Variants in WNT7B observed in about 807,000 individuals in gnomAD.
WNT7B encodes Wnt family member 7B.
WNT7B carries 19 observed loss-of-function variants against 38.2 expected under a neutral mutation model. That is an observed-to-expected ratio of 0.50 (90% confidence interval 0.35 to 0.73). The LOEUF is 0.73. Ranked by LOEUF, WNT7B falls within the 30% of genes least tolerant of loss-of-function variation. The probability of loss-of-function intolerance (pLI) is 0.01; values close to 1 mark genes in which losing one functional copy is unlikely to be tolerated. For synonymous variants in WNT7B, 243 were observed against 209.3 expected (o/e 1.16, Z -1.39); for missense variants, 423 against 507.9 (o/e 0.83, Z 1.61).
At chr22:45,945,140 G>A (rs1303885967) in intron 2 of WNT7B, among the ~76,000 whole-genome samples, 2 of 152,038 alleles carry the variant, frequency 1.3e-5, no homozygotes, top group East Asian at 3.9e-4. Context: ...CTGGACTGCA[G>A]TGGCGTGATC....
At chr22:45,967,124 G>A (rs1204771072) in intron 1 of WNT7B, among the ~76,000 whole-genome samples, 2 of 152,192 alleles carry the variant, frequency 1.3e-5, no homozygotes, top group Admixed American at 6.5e-5. Flanking sequence ...CCCCCACCCT[G>A]CCGGCCAGCC....
chr22:45,943,818 C>A (rs1410878577), intron 2 of WNT7B, among the ~76,000 whole-genome samples: 1 of 152,220 alleles, frequency 6.6e-6, no homozygotes, highest in East Asian at 1.9e-4. Flanking sequence ...AAATGACCCT[C>A]CTGAAAAGGC....
At position 45,942,280 on chromosome 22, in the gene WNT7B, A is replaced by C. The variant is rs1218876712; in HGVS notation, c.298+7640T>G. Reference sequence around the variant, plus strand: ...AGTGGCTGTTGGGCACAGAAGCTGGAAGAGAAGCTCAGGGCCCAGGTGGGG... The same window carrying C: ...AGTGGCTGTTGGGCACAGAAGCTGGCAGAGAAGCTCAGGGCCCAGGTGGGG... On this transcript the variant is annotated intron_variant, in intron 2 of 3. Transcript: ENST00000339464. Among the ~76,000 whole-genome samples, 3 of 152,210 alleles carry C rather than the reference A, an allele frequency of 2.0e-5. No homozygotes were observed. In the East Asian group the frequency reaches 5.8e-4, roughly 29 times the overall value.
At chr22:45,946,626 A>AG (rs1931802792) in intron 2 of WNT7B, among the ~76,000 whole-genome samples, 1 of 152,142 alleles carries the variant, frequency 6.6e-6, no homozygotes, top group African/African-American at 2.4e-5. Context: ...TCCAGGCACG[A>AG]GGGGGACCAC....
chr22:45,977,025 A>T lies in WNT7B; in HGVS notation c.-271T>A. The stretch of plus-strand genomic sequence containing the variant: ...CGGTTGAGCGACCGTGGACCCCTGC[A>T]AGCGCGGGCCGGGGGCCCGGGCGCG... On this transcript the variant is annotated 5_prime_UTR_variant, in exon 1 of 4. Coordinates refer to ENST00000339464, the MANE Select transcript of WNT7B (RefSeq NM_058238.3). The T allele has an allele frequency of 1.0e-6, 1 of 985,122 alleles. No individual in the cohort carries two copies. The highest frequency in any genetic ancestry group is 1.2e-6 in the Non-Finnish European group (1 of 830,162). 61.0% of individuals were successfully genotyped at this position (985,122 alleles called of 1,614,324 possible).
intron 2 of WNT7B, among the ~76,000 whole-genome samples, chr22:45,938,552 G>A (rs573069819): frequency 1.2e-4 from 18 of 152,106 alleles, no homozygotes; most frequent in African/African-American, 2.4e-4. Flanking sequence ...CAGGAGAATC[G>A]CTTGAACCTG....
intron 1 of WNT7B, among the ~76,000 whole-genome samples, chr22:45,958,713 G>A (rs1324727815): frequency 1.3e-5 from 2 of 152,136 alleles, no homozygotes; most frequent in Admixed American, 6.5e-5. Flanking sequence ...CCACTGTCCC[G>A]GGGCTGGCCA....
intron 1 of WNT7B, among the ~76,000 whole-genome samples, chr22:45,961,255 G>C (rs1473852166): frequency 1.3e-5 from 2 of 151,860 alleles, no homozygotes; most frequent in Non-Finnish European, 2.9e-5. Context: ...GGGGGGTGGG[G>C]CTTGGGCCAG....
rs1931352533 is a variant in WNT7B, at chr22:45,931,377, GA to G, written c.299-9del. The G allele has an allele frequency of 6.3e-7, 1 of 1,580,232 alleles. No individual in the cohort carries two copies. The highest frequency in any genetic ancestry group is 2.2e-5 in the East Asian group (1 of 44,494). The stretch of plus-strand genomic sequence containing the variant: ...AGGCAGCCTCACGGCTCCCTGCGGG[GA>G]CAGACAGGTGCAGAAGGTGAGACCC... On this transcript the variant is annotated splice_polypyrimidine_tract_variant and intron_variant, in intron 2 of 3. Coordinates refer to ENST00000339464, the MANE Select transcript of WNT7B (RefSeq NM_058238.3).
intron 1 of WNT7B, among the ~76,000 whole-genome samples, chr22:45,971,155 G>C (rs1424472856): frequency 6.6e-6 from 1 of 151,680 alleles, no homozygotes; most frequent in Non-Finnish European, 1.5e-5. Flanking sequence ...CGCATGGGGG[G>C]AGGGGGTGGC....
chr22:45,934,676 C>T (rs1440454659), intron 2 of WNT7B, among the ~76,000 whole-genome samples: 1 of 152,224 alleles, frequency 6.6e-6, no homozygotes, highest in Admixed American at 6.5e-5. Flanking sequence ...TTCCCACAAG[C>T]CTCCCTTCCA....
chr22:45,961,131 T>C (rs964336703), intron 1 of WNT7B, among the ~76,000 whole-genome samples: 3 of 152,216 alleles, frequency 2.0e-5, no homozygotes, highest in African/African-American at 7.2e-5. Flanking sequence ...AAGGGACGCA[T>C]TGCAGCCCAG....
intron 2 of WNT7B, among the ~76,000 whole-genome samples, chr22:45,933,628 G>A (rs1931435706): frequency 6.6e-6 from 1 of 152,180 alleles, no homozygotes. Flanking sequence ...GCCACAGAGG[G>A]ATCATGGCAC....
rs564083055 is a variant in WNT7B, at chr22:45,965,826, C to T, written c.71+10858G>A. On this transcript the variant is annotated intron_variant, in intron 1 of 3. Transcript: ENST00000339464. This position sits in a 1 kb window ranked among gnomAD's most constrained non-coding sequence, Gnocchi z 6.5. Reference sequence around the variant, plus strand: ...GCCCCGGGGACTCTTGGTCAACACACAGTTCTAAGCAACTGGAGGCATTGG... The same window carrying T: ...GCCCCGGGGACTCTTGGTCAACACATAGTTCTAAGCAACTGGAGGCATTGG... 1.3e-4 allele frequency among the ~76,000 whole-genome samples: 20 copies of T among 152,338 alleles called. No individual in the cohort carries two copies. In the South Asian group the frequency reaches 4.1e-3, roughly 32 times the overall value.
At chr22:45,932,422 C>CCA (rs1334651848) in intron 2 of WNT7B, among the ~76,000 whole-genome samples, 9 of 152,244 alleles carry the variant, frequency 5.9e-5, no homozygotes, top group African/African-American at 1.7e-4. Flanking sequence ...CCAGACCCCC[C>CCA]CCGCCAGAAG....
chr22:45,940,422 A>C (rs10453451), intron 2 of WNT7B, among the ~76,000 whole-genome samples: 4 of 151,854 alleles, frequency 2.6e-5, no homozygotes, highest in Non-Finnish European at 5.9e-5. Flanking sequence ...ACTGACCTGG[A>C]CGCCACGCTT....
chr22:45,930,409 G>A (rs981727058), intron 3 of WNT7B, among the ~76,000 whole-genome samples: 4 of 152,172 alleles, frequency 2.6e-5, no homozygotes, highest in East Asian at 1.9e-4. Flanking sequence ...GAGCCGGCTG[G>A]GCGTTCCACT....
chr22:45,959,385 G>A (rs1486902094), intron 1 of WNT7B, among the ~76,000 whole-genome samples: 1 of 152,170 alleles, frequency 6.6e-6, no homozygotes, highest in African/African-American at 2.4e-5. Context: ...GTTTAAAACT[G>A]GGGGATGGGG....
intron 3 of WNT7B, chr22:45,927,288 A>G (rs1198213369): frequency 1.0e-6 from 1 of 985,304 alleles, no homozygotes; most frequent in Non-Finnish European, 1.2e-6. Context: ...GCAGCCCATT[A>G]AAGGTCACCC....
Sources: allele counts gnomAD v4.1 joint callset (sites outside exome capture counted in the v4.1 genomes callset), GRCh38; gene constraint gnomAD v4.1.1; non-coding constraint Gnocchi (gnomAD v3.1); transcripts MANE v1.5; gene names NCBI Gene and HGNC (gene_info 2026-07-23, HGNC 2026-07-21).